Variants in NBEAL1 observed in about 807,000 individuals in gnomAD.
NBEAL1 encodes neurobeachin-like protein 1.
In NBEAL1, 273 loss-of-function variants were observed where a neutral mutation model predicts 351.3. The ratio of observed to expected loss-of-function variants is 0.78; its 90% CI spans 0.70 to 0.86. The LOEUF is 0.86. Among genes scored for constraint, NBEAL1 ranks in the 40% least tolerant of loss-of-function variants. The pLI, the probability that NBEAL1 is intolerant of heterozygous loss-of-function variation, is 0.00. For missense variants in NBEAL1, 2,961 were observed against 3,201.3 expected (o/e 0.92, Z 1.81); for synonymous variants, 1,050 against 1,086.4 (o/e 0.97, Z 0.66).
rs776959222 is a variant in NBEAL1 at position 203,126,783 on chromosome 2, T to C, written c.3146-41T>C. On this transcript the variant is annotated intron_variant, in intron 22 of 55. Transcript: ENST00000683969. The stretch of plus-strand genomic sequence containing the variant: ...GAAATTTATAACTACCTATTGACTT[T>C]ATTTTAGCTGAATTACTTACCATTG... The C allele has an allele frequency of 5.8e-5, 89 of 1,537,834 alleles. No individual in the cohort carries two copies. The East Asian group carries it at 2.1e-3, about 36-fold the overall frequency.
At chr2:203,049,385 A>T (rs2061286345) in intron 3 of NBEAL1, among the ~76,000 whole-genome samples, 1 of 152,180 alleles carries the variant, frequency 6.6e-6, no homozygotes, top group Non-Finnish European at 1.5e-5. Flanking sequence ...CTAGTTATGT[A>T]GATACTTCAT....
At chr2:203,176,572 A>G (rs2064508873) in intron 42 of NBEAL1, among the ~76,000 whole-genome samples, 2 of 151,996 alleles carry the variant, frequency 1.3e-5, no homozygotes, top group Non-Finnish European at 2.9e-5. Context: ...TCTACTAAAA[A>G]TACAAAAAAA....
rs183232744 is a variant in NBEAL1 at position 203,073,981 on chromosome 2, A to T, written c.599-3771A>T. Among the ~76,000 whole-genome samples, 6 of 152,338 alleles carry T rather than the reference A, an allele frequency of 3.9e-5. No homozygotes were observed. In the South Asian group the frequency reaches 8.3e-4, roughly 21 times the overall value. On this transcript the variant is annotated intron_variant, in intron 7 of 55. Transcript: ENST00000683969. Reference sequence around the variant, plus strand: ...AAATTGGGGAAATGTTGGTCAAAGCATACAAAATTTCGGTTAGGAAGAATA... The same window carrying T: ...AAATTGGGGAAATGTTGGTCAAAGCTTACAAAATTTCGGTTAGGAAGAATA...
chr2:203,166,159 G>C lies in NBEAL1; in HGVS notation c.5725G>C (p.Glu1909Gln). The change falls in exon 37 of 56, where the codon GAA (glutamate) becomes CAA (glutamine). Residue 1909 changes from glutamate to glutamine, a missense_variant. Glu to Gln is a conservative substitution (Grantham distance 29). Transcript: ENST00000683969. ...ITARVNVDEK[E>Q]EQDQKEKLVL... ...TTCTTGTTTTTACAGTGATGAGAAA[G>C]AAGAACAGGATCAAAAAGAAAAATT... The C allele has an allele frequency of 6.4e-7, 1 of 1,570,952 alleles. No individual in the cohort carries two copies. Among genetic ancestry groups the C allele is most frequent in the East Asian group, 2.3e-5 (1 of 42,808 alleles).
intron 19 of NBEAL1, 102 bp downstream of exon 19, chr2:203,122,445 G>A (rs2106273938): frequency 1.4e-6 from 1 of 704,884 alleles, no homozygotes; most frequent in South Asian, 1.8e-5. Flanking sequence ...TAAATAATAG[G>A]TCTCAGTTAA....
intron 39 of NBEAL1, among the ~76,000 whole-genome samples, chr2:203,170,303 C>T (rs1359251965): frequency 2.0e-5 from 3 of 152,056 alleles, no homozygotes; most frequent in East Asian, 3.9e-4. Flanking sequence ...ACCGGGGAGG[C>T]GGAGGTTGTG....
chr2:203,146,644 T>C (rs1485434427), intron 33 of NBEAL1, among the ~76,000 whole-genome samples: 1 of 151,976 alleles, frequency 6.6e-6, no homozygotes, highest in Non-Finnish European at 1.5e-5. Context: ...AAATTAAAAA[T>C]TAGCTGGGTG....
rs1443108954 is a variant in NBEAL1, at chr2:203,049,814, G to T, written c.144G>T (p.Arg48Ser). 21 of 1,547,318 alleles carry T rather than the reference G, an allele frequency of 1.4e-5. No homozygotes were observed. The highest frequency in any genetic ancestry group is 1.7e-5 in the Non-Finnish European group (19 of 1,143,980). The change falls in exon 4 of 56, where the codon AGG (arginine) becomes AGT (serine). Residue 48 changes from arginine to serine, a missense_variant and splice_region_variant. Arg to Ser is a moderately radical substitution (Grantham distance 110, BLOSUM62 -1). Transcript: ENST00000683969. ...TTATTTTTTTCCCTTTCTGTTGTAGGGTAGATGATATGCCTCCAGGAATAT... is the reference window on the plus strand; with the variant it reads ...TTATTTTTTTCCCTTTCTGTTGTAGTGTAGATGATATGCCTCCAGGAATAT... The part of the protein sequence containing the change: ...LDVDFEKLPT[R>S]VDDMPPGISL...
chr2:203,079,940 A>G (rs1459816694), intron 8 of NBEAL1, among the ~76,000 whole-genome samples: 2 of 152,164 alleles, frequency 1.3e-5, no homozygotes, highest in Non-Finnish European at 2.9e-5. Context: ...TACTTGTTTG[A>G]TAATGTATTT....
chr2:203,184,130 AAATGCCACTTGAAAAAAAAGGTGGGCAC>A (rs1357060523), intron 44 of NBEAL1, among the ~76,000 whole-genome samples: 7 of 151,344 alleles, frequency 4.6e-5, no homozygotes, highest in Non-Finnish European at 8.8e-5. Context: ...GCTAAACCCT[AAATGCCACTTGAAAAAAAAGGTGGGCAC>A]AGTGGCTCAC....
chr2:203,164,208 C>T (rs1372065979), intron 36 of NBEAL1, among the ~76,000 whole-genome samples: 1 of 151,594 alleles, frequency 6.6e-6, no homozygotes, highest in East Asian at 1.9e-4. Context: ...AAAAAGATTG[C>T]ACCACTGCAC....
chr2:203,066,874 C>T (rs151316549), intron 6 of NBEAL1, among the ~76,000 whole-genome samples: 13,364 of 147,026 alleles, frequency 0.091, 642 homozygotes, highest in Non-Finnish European at 0.12. Context: ...CGGGCAGAGG[C>T]GCTCCTCACC....
chr2:203,204,270 G>T (rs1368178327), intron 51 of NBEAL1, among the ~76,000 whole-genome samples: 1 of 146,554 alleles, frequency 6.8e-6, no homozygotes, highest in Non-Finnish European at 1.5e-5. Context: ...CTCCATTTTA[G>T]TCTTACTGAA....
At chr2:203,137,805 A>G (rs2063254181) in intron 29 of NBEAL1, among the ~76,000 whole-genome samples, 2 of 151,806 alleles carry the variant, frequency 1.3e-5, no homozygotes, top group Admixed American at 1.3e-4. Flanking sequence ...CCAACATGGC[A>G]AAACCCCATC....
In NBEAL1 at chr2:203,135,831, A is replaced by T; in HGVS notation, c.3968A>T (p.Asn1323Ile). The change falls in exon 28 of 56, where the codon AAT (asparagine) becomes ATT (isoleucine). Residue 1323 changes from asparagine to isoleucine, a missense_variant. Transcript: ENST00000683969. Reference sequence around the variant, plus strand: ...AGTAGAGCTGTTTTAATGAAAGACAATGATAAAAATATGTCAACTGAAGAT... The same window carrying T: ...AGTAGAGCTGTTTTAATGAAAGACATTGATAAAAATATGTCAACTGAAGAT... ...KHSRAVLMKD[N>I]DKNMSTEDTK... 6.2e-7 allele frequency: 1 copy of T among 1,613,954 alleles called. No homozygotes were observed. Among genetic ancestry groups the T allele is most frequent in the Non-Finnish European group, 8.5e-7 (1 of 1,179,960 alleles).
chr2:203,163,859 C>T (rs1344032988), intron 36 of NBEAL1, among the ~76,000 whole-genome samples: 1 of 152,114 alleles, frequency 6.6e-6, no homozygotes, highest in Non-Finnish European at 1.5e-5. Flanking sequence ...TTTTAATCTG[C>T]AATTCCCTTA....
chr2:203,224,301 G>A lies in NBEAL1; in HGVS notation c.*6947G>A, dbSNP rs1478118356. 1.3e-5 allele frequency among the ~76,000 whole-genome samples: 2 copies of A among 151,954 alleles called. No individual in the cohort carries two copies. The highest frequency in any genetic ancestry group is 3.9e-4 in the East Asian group (2 of 5,190). On this transcript the variant is annotated 3_prime_UTR_variant, in exon 56 of 56. Coordinates refer to ENST00000683969, the MANE Select transcript of NBEAL1 (RefSeq NM_001378026.1). The stretch of plus-strand genomic sequence containing the variant: ...AGAAAACTTCTTAGAAAACTATGTG[G>A]CTGGTTGGTTCCATTTAGAAACTCT...
At chr2:203,119,415 G>A (rs541971470) in intron 18 of NBEAL1, among the ~76,000 whole-genome samples, 4 of 82,386 alleles carry the variant, frequency 4.9e-5, no homozygotes, top group Non-Finnish European at 7.7e-5. Context: ...CACTGCATAC[G>A]GCCTGTTGCT....
chr2:203,180,316 G>A (rs2064667275), intron 42 of NBEAL1, 66 bp from the exon 43 acceptor site: 17 of 1,496,666 alleles, frequency 1.1e-5, no homozygotes, highest in Non-Finnish European at 1.3e-5. Flanking sequence ...GAGTTTAAAA[G>A]TTTTGTTTCA....
Sources: gnomAD v4.1 joint callset for allele counts (sites outside exome capture counted in the v4.1 genomes callset) on GRCh38, gnomAD v4.1.1 for gene constraint, MANE v1.5 for transcripts, NCBI Gene and HGNC (gene_info 2026-07-23, HGNC 2026-07-21) for gene names.